Variants in CTNNAL1 observed in about 807,000 individuals in gnomAD.
CTNNAL1 encodes catenin alpha like 1.
In CTNNAL1, 69 loss-of-function variants were observed where a neutral mutation model predicts 93.6. The ratio of observed to expected loss-of-function variants is 0.74; its 90% CI spans 0.61 to 0.90. The LOEUF is 0.90. CTNNAL1 is among the 40% of genes least tolerant of loss of function. The pLI is 0.00. For synonymous variants in CTNNAL1, 286 were observed against 305.4 expected, an observed-to-expected ratio of 0.94 and a Z score of 0.66; for missense variants, 836 against 862.0, an observed-to-expected ratio of 0.97 and a Z score of 0.38.
rs187979460 is a variant in CTNNAL1, at chr9:108,943,230, G to C, written c.2056-186C>G. Among the ~76,000 whole-genome samples, 469 of 152,270 alleles carry C rather than the reference G, an allele frequency of 3.1e-3. 4 individuals carry two copies. The highest frequency in any genetic ancestry group is 2.8e-3 in the Admixed American group (43 of 15,290). Reference sequence around the variant, plus strand: ...ACACAGGTGCAGGGGTAGCTGCCTAGATTTCATGTCTATCTCATGGAACCC... The same window carrying C: ...ACACAGGTGCAGGGGTAGCTGCCTACATTTCATGTCTATCTCATGGAACCC... On this transcript the variant is annotated intron_variant, in intron 17 of 18. Coordinates refer to ENST00000325551, the MANE Select transcript of CTNNAL1 (RefSeq NM_003798.4).
Position 108,982,524 on chromosome 9 carries a change from T to A in CTNNAL1, c.900+621A>T, listed in dbSNP as rs115131926. Among the ~76,000 whole-genome samples, 424 of 152,238 alleles carry A rather than the reference T, an allele frequency of 2.8e-3. 3 individuals are homozygous for A. Among genetic ancestry groups the A allele is most frequent in the African/African-American group, 9.6e-3 (400 of 41,554 alleles). On this transcript the variant is annotated intron_variant, in intron 6 of 18. Transcript: ENST00000325551. ...ATGGATGGTACTGCTCAAAAAGATA[T>A]GGCACTGCTCAAAAAACAGGAAGGG...
intron 1 of CTNNAL1, among the ~76,000 whole-genome samples, chr9:109,007,171 G>A (rs1827054117): frequency 6.6e-6 from 1 of 151,950 alleles, no homozygotes; most frequent in Admixed American, 6.6e-5. Context: ...GGAGGTGGAG[G>A]TTGCAGTGAG....
intron 1 of CTNNAL1, among the ~76,000 whole-genome samples, chr9:109,000,107 T>C (rs28361105): frequency 0.027 from 4,152 of 152,338 alleles, 198 homozygotes; most frequent in African/African-American, 0.094. Flanking sequence ...GCACTTTATA[T>C]GTATGTTTAG....
Position 108,942,722 on chromosome 9 carries a change from G to A in CTNNAL1, c.*47C>T. The stretch of plus-strand genomic sequence containing the variant: ...AAAGGATCATTTGATTTTTAAAAAT[G>A]TCAGCTTCATCACATGATGTTCCAG... On this transcript the variant is annotated 3_prime_UTR_variant, in exon 19 of 19. Transcript: ENST00000325551. 1 of 1,170,068 alleles carries A rather than the reference G, an allele frequency of 8.5e-7. No homozygotes were observed. Among genetic ancestry groups the A allele is most frequent in the Non-Finnish European group, 1.3e-6 (1 of 796,722 alleles). 72.5% of individuals were successfully genotyped at this position (1,170,068 alleles called of 1,614,324 possible). A position where few individuals can be genotyped will look rare whatever the true frequency, so the allele number is the denominator to read the frequency against.
intron 9 of CTNNAL1, 39 bp downstream of exon 9, chr9:108,972,636 T>C (rs979376271): frequency 3.2e-6 from 5 of 1,549,146 alleles, no homozygotes; most frequent in Non-Finnish European, 4.4e-6. Flanking sequence ...AATAAAGCCA[T>C]TATTAAACTA....
At chr9:108,944,634 C>T (rs1830347379) in intron 15 of CTNNAL1, among the ~76,000 whole-genome samples, 1 of 152,024 alleles carries the variant, frequency 6.6e-6, no homozygotes, top group South Asian at 2.1e-4. Flanking sequence ...AAGTATTTAG[C>T]ATATTATGTT....
At chr9:108,982,214 C>A (rs1831453231) in intron 6 of CTNNAL1, among the ~76,000 whole-genome samples, 1 of 152,146 alleles carries the variant, frequency 6.6e-6, no homozygotes, top group Non-Finnish European at 1.5e-5. Flanking sequence ...AACTCTGGTA[C>A]TTAGTAGCCA....
chr9:108,965,500 A>T lies in CTNNAL1; in HGVS notation c.1469T>A (p.Leu490Ter). 3.2e-6 allele frequency: 5 copies of T among 1,579,850 alleles called. No individual in the cohort carries two copies. Among genetic ancestry groups the T allele is most frequent in the Non-Finnish European group, 4.3e-6 (5 of 1,163,936 alleles). ...TTTAGCAATTTTACTAGATGGATGC[A>T]ATGTCAATGTTTCAGCAGCAGAAAT... ...QIISAAETLTLHPSSKIAKEN... is the reference protein window; with the variant it reads ...QIISAAETLT Residue 490 changes from leucine (L) to a stop codon, truncating the protein, a stop_gained, in exon 11 of 19, where the codon TTG (leucine) becomes TAG (stop). Transcript: ENST00000325551. LOFTEE classifies it high-confidence loss of function.
chr9:108,995,258 A>G (rs532965752), intron 2 of CTNNAL1, among the ~76,000 whole-genome samples: 7 of 152,224 alleles, frequency 4.6e-5, no homozygotes, highest in Non-Finnish European at 8.8e-5. Flanking sequence ...ATCAGTTTGC[A>G]TCCTATCATT....
rs764860989 is a variant in CTNNAL1, at chr9:108,979,317, C to T, written c.1065G>A (p.Met355Ile). The change falls in exon 7 of 19, where the codon ATG becomes ATA. Residue 355 changes from methionine (M) to isoleucine (I), a missense_variant. By Grantham distance (10) the Met-to-Ile change is conservative (BLOSUM62 1). Transcript: ENST00000325551. ...ACACAGAAATTAACTGCTGCAGTTC[C>T]ATTCTCGCCTGAGTTGACAGTTCCA... Reference protein sequence around the residue: ...RILELSTQARMELQQLISVWI... With the variant: ...RILELSTQARIELQQLISVWI... 6.2e-7 allele frequency: 1 copy of T among 1,614,142 alleles called. No individual in the cohort carries two copies. The highest frequency in any genetic ancestry group is 8.5e-7 in the Non-Finnish European group (1 of 1,180,010).
At chr9:109,007,372 CAG>C (rs2132220598) in intron 1 of CTNNAL1, among the ~76,000 whole-genome samples, 1 of 152,216 alleles carries the variant, frequency 6.6e-6, no homozygotes, top group East Asian at 1.9e-4. Flanking sequence ...CAGAACAATG[CAG>C]AGAGTAATGG....
intron 1 of CTNNAL1, among the ~76,000 whole-genome samples, chr9:109,004,588 C>A (rs529687976): frequency 7.2e-5 from 11 of 152,206 alleles, no homozygotes; most frequent in Non-Finnish European, 1.6e-4. Flanking sequence ...GAATTTGAGA[C>A]CAGCTTGGCC....
chr9:108,957,480 A>G (rs1298506529), intron 11 of CTNNAL1, among the ~76,000 whole-genome samples: 1 of 152,174 alleles, frequency 6.6e-6, no homozygotes, highest in Non-Finnish European at 1.5e-5. Flanking sequence ...GTGCTGATCT[A>G]GAAGAAGAAC....
chr9:108,979,796 G>A (rs1831375071), intron 6 of CTNNAL1, among the ~76,000 whole-genome samples: 1 of 152,210 alleles, frequency 6.6e-6, no homozygotes, highest in Admixed American at 6.5e-5. Flanking sequence ...CCAGCCTCCA[G>A]GTAAAAGATT....
intron 6 of CTNNAL1, 118 bp from the exon 7 acceptor site, chr9:108,979,599 AG>A: frequency 1.1e-6 from 1 of 918,996 alleles, no homozygotes. Flanking sequence ...TCCCAAGCTG[AG>A]GGGAAATACA....
intron 1 of CTNNAL1, among the ~76,000 whole-genome samples, chr9:109,003,753 CT>C (rs1826925169): frequency 6.6e-6 from 1 of 152,204 alleles, no homozygotes; most frequent in Non-Finnish European, 1.5e-5. Flanking sequence ...CAAGAAGTCT[CT>C]CCTGGATCAT....
intron 14 of CTNNAL1, 37 bp from the exon 15 acceptor site, chr9:108,948,271 G>C: frequency 6.3e-7 from 1 of 1,581,194 alleles, no homozygotes; most frequent in South Asian, 1.2e-5. Context: ...GTAACAAAAA[G>C]TTATTACCTG....
chr9:108,981,486 A>G (rs1831426576), intron 6 of CTNNAL1, among the ~76,000 whole-genome samples: 1 of 75,012 alleles, frequency 1.3e-5, no homozygotes, highest in Admixed American at 1.4e-4. Context: ...ACAAAAAACA[A>G]AAAAAAAAAA....
rs1162375548 is a variant in CTNNAL1 at position 109,008,876 on chromosome 9, CTTTTTTTTTTTTTTTTT to C, written c.141+4409_141+4425del. Among the ~76,000 whole-genome samples the C allele has an allele frequency of 2.2e-4, 12 of 54,892 alleles. No individual in the cohort carries two copies. In the South Asian group the frequency reaches 7.0e-3, roughly 32 times the overall value. The allele number at this position is 54,892 out of a possible 152,430, so 36.0% of individuals were successfully genotyped here. On this transcript the variant is annotated intron_variant, in intron 1 of 18. Coordinates refer to ENST00000325551, the MANE Select transcript of CTNNAL1 (RefSeq NM_003798.4). Reference sequence around the variant, plus strand: ...GTTTTCCTTTTGATGAACAGAGGTTCTTTTTTTTTTTTTTTTTTTTTTTTTTTTTGAGACAGGGTCTC... The same window carrying C: ...GTTTTCCTTTTGATGAACAGAGGTTCTTTTTTTTTTTTGAGACAGGGTCTC...
Sources: allele counts gnomAD v4.1 joint callset (sites outside exome capture counted in the v4.1 genomes callset), GRCh38; gene constraint gnomAD v4.1.1; transcripts MANE v1.5; gene names NCBI Gene and HGNC (gene_info 2026-07-23, HGNC 2026-07-21).